The following ADPRHL1 variants were observed in gnomAD, a reference collection of about 807,000 sequenced individuals.
ADPRHL1 encodes ADP-ribosylhydrolase like 1, also known as inactive ADP-ribosyltransferase ARH2.
Under a neutral mutation model 44.1 loss-of-function variants are expected in ADPRHL1, and 43 were observed. The observed-to-expected ratio is 0.98, with a 90% CI of 0.76 to 1.26. The LOEUF is 1.26. Among genes scored for constraint, ADPRHL1 ranks in the 50% most tolerant of loss-of-function variants. The pLI is 0.00. For synonymous variants in ADPRHL1, 878 were observed against 1,017.4 expected, an observed-to-expected ratio of 0.86 and a Z score of 2.61; for missense variants, 2,022 against 2,496.9, an observed-to-expected ratio of 0.81 and a Z score of 4.05.
rs2043834854 is a variant in ADPRHL1 at position 113,409,465 on chromosome 13, A to T, written c.1062-1245T>A. ...TTTATAATGTTGAAAAATCTAGAGC[A>T]TCCTCGATGTCCAACTCCAGGGCGG... On this transcript the variant is annotated intron_variant, in intron 7 of 7. Coordinates refer to ENST00000612156, the MANE Select transcript of ADPRHL1 (RefSeq NM_001394807.1). The surrounding 1 kb of genome is among the most constrained non-coding windows in gnomAD (Gnocchi z 4.2). The T allele has an allele frequency of 1.0e-6, 1 of 985,234 alleles. No homozygotes were observed. Among genetic ancestry groups the T allele is most frequent in the Non-Finnish European group, 1.2e-6 (1 of 829,924 alleles). 61.0% of individuals were successfully genotyped at this position (985,234 alleles called of 1,614,324 possible).
At chr13:113,430,046 CT>C (rs927027665) in intron 3 of ADPRHL1, among the ~76,000 whole-genome samples, 1 of 152,194 alleles carries the variant, frequency 6.6e-6, no homozygotes, top group African/African-American at 2.4e-5. Flanking sequence ...TTCTGGGGTA[CT>C]GAGCTCACCC....
intron 1 of ADPRHL1, among the ~76,000 whole-genome samples, chr13:113,445,846 G>A (rs1435471604): frequency 1.3e-5 from 2 of 151,862 alleles, no homozygotes; most frequent in Non-Finnish European, 2.9e-5. Context: ...AACCCCTGGC[G>A]AGAGCATACA....
intron 3 of ADPRHL1, among the ~76,000 whole-genome samples, chr13:113,429,585 C>T (rs570879933): frequency 1.3e-5 from 2 of 152,378 alleles, no homozygotes; most frequent in South Asian, 2.1e-4. Context: ...GAGCTGCCTC[C>T]GCCTTTGGCT....
At position 113,407,154 on chromosome 13, in the gene ADPRHL1, C is replaced by G. The variant is rs2043815187; in HGVS notation, c.2128G>C (p.Ala710Pro). 8.1e-7 allele frequency: 1 copy of G among 1,232,142 alleles called. No individual in the cohort carries two copies. The highest frequency in any genetic ancestry group is 1.0e-6 in the Non-Finnish European group (1 of 988,072). 76.3% of individuals were successfully genotyped at this position (1,232,142 alleles called of 1,614,324 possible). ...GGAAGGACTCCACCTGTGCAGGGAG[C>G]ACAAGAGAAGGCCAGCGAGGGGACA... ...HAVPSLAFSC[A>P]PCTGGVLPGL... Residue 710 changes from alanine (A) to proline (P), a missense_variant, in exon 8 of 8, where the codon GCT becomes CCT. Around this residue, in one of 8 missense-constraint regions of ADPRHL1, gnomAD observed 1,221 missense variants for 1,517.8 expected, o/e 0.80. Transcript: ENST00000612156.
rs531096316 is a variant in ADPRHL1 at position 113,449,182 on chromosome 13, CAG to C, written c.214+4040_214+4041del. 4.3e-4 allele frequency: 448 copies of C among 1,031,016 alleles called. 3 individuals carry two copies. Among genetic ancestry groups the C allele is most frequent in the Admixed American group, 2.4e-3 (40 of 16,506 alleles). The allele number at this position is 1,031,016 out of a possible 1,614,324, so 63.9% of individuals were successfully genotyped here. A position where few individuals can be genotyped will look rare whatever the true frequency, so the allele number is the denominator to read the frequency against. On this transcript the variant is annotated intron_variant, in intron 1 of 7. Transcript: ENST00000612156. ...TCACCCGGAAGGAGGCAGCCCCAGTCAGAGAGGCTCACCCGGAAGGAGGCAGC... is the reference window on the plus strand; with the variant it reads ...TCACCCGGAAGGAGGCAGCCCCAGTCAGAGGCTCACCCGGAAGGAGGCAGC...
chr13:113,452,668 T>G (rs1165152912), intron 1 of ADPRHL1, among the ~76,000 whole-genome samples: 1 of 152,222 alleles, frequency 6.6e-6, no homozygotes, highest in African/African-American at 2.4e-5. Context: ...TTAGAACACA[T>G]TTGTGTATGG....
intron 7 of ADPRHL1, among the ~76,000 whole-genome samples, chr13:113,412,245 T>C (rs1795220305): frequency 1.3e-5 from 2 of 152,292 alleles, no homozygotes; most frequent in Non-Finnish European, 2.9e-5. Context: ...TGGCGCGATC[T>C]CGACTCACTG....
At chr13:113,445,003 G>A (rs906357311) in intron 1 of ADPRHL1, among the ~76,000 whole-genome samples, 2 of 152,170 alleles carry the variant, frequency 1.3e-5, no homozygotes, top group African/African-American at 2.4e-5. Flanking sequence ...GGCTTGTGAC[G>A]CCGATGGTGG....
At chr13:113,419,371 C>T (rs1353789347) in intron 7 of ADPRHL1, among the ~76,000 whole-genome samples, 2 of 150,224 alleles carry the variant, frequency 1.3e-5, no homozygotes, top group Non-Finnish European at 3.0e-5. Flanking sequence ...CCCGCCTCAG[C>T]CTCCCAAAGT....
chr13:113,448,845 C>T (rs949319765), intron 1 of ADPRHL1, among the ~76,000 whole-genome samples: 7 of 152,244 alleles, frequency 4.6e-5, no homozygotes, highest in African/African-American at 1.7e-4. Context: ...CCTCTGTGAC[C>T]TTGTGAGGGA....
rs1457081427 is a variant in ADPRHL1 at position 113,424,088 on chromosome 13, A to G, written c.907+129T>C. 7.7e-6 allele frequency: 10 copies of G among 1,296,512 alleles called. No homozygotes were observed. In the African/African-American group the frequency reaches 1.5e-4, roughly 19 times the overall value. 80.3% of individuals were successfully genotyped at this position (1,296,512 alleles called of 1,614,324 possible). ...CCCAAAGTGGGTTCCAGAAAGGAAG[A>G]GATGGACGCACATGCTGGAGCTCAG... On this transcript the variant is annotated intron_variant, in intron 6 of 7. Coordinates refer to ENST00000612156, the MANE Select transcript of ADPRHL1 (RefSeq NM_001394807.1).
chr13:113,445,376 G>A (rs1427307994), intron 1 of ADPRHL1, among the ~76,000 whole-genome samples: 2 of 152,228 alleles, frequency 1.3e-5, no homozygotes, highest in Admixed American at 1.3e-4. Flanking sequence ...GTGTGTGGAT[G>A]GAGTCCACAC....
In ADPRHL1 at chr13:113,407,958, CCCGGCCAGTGCCCAGGAACTTGGCCTG is replaced by C; in HGVS notation, c.1297_1323del (p.Gln433_Arg441del). The stretch of plus-strand genomic sequence containing the variant: ...TCCCTGGTCCTCTTGAGGTAGCGCT[CCCGGCCAGTGCCCAGGAACTTGGCCTG>C]CAGGAGCTGGAAGCGCGTGGGCCGC... On this transcript the variant is annotated inframe_deletion, in exon 8 of 8. Coordinates refer to ENST00000612156, the MANE Select transcript of ADPRHL1 (RefSeq NM_001394807.1). The C allele has an allele frequency of 8.1e-7, 1 of 1,232,048 alleles. No individual in the cohort carries two copies. Among genetic ancestry groups the C allele is most frequent in the Non-Finnish European group, 1.0e-6 (1 of 987,980 alleles). The allele number at this position is 1,232,048 out of a possible 1,614,324, so 76.3% of individuals were successfully genotyped here.
At chr13:113,408,363 CTGTG>C in intron 7 of ADPRHL1, 143 bp from the exon 8 acceptor site, 1 of 862,706 alleles carries the variant, frequency 1.2e-6, no homozygotes, top group Non-Finnish European at 1.5e-6. Context: ...GAGCCAGGAG[CTGTG>C]GCTTCTGGGC....
At chr13:113,443,489 T>C (rs375479326) in intron 2 of ADPRHL1, among the ~76,000 whole-genome samples, 1 of 149,338 alleles carries the variant, frequency 6.7e-6, no homozygotes, top group South Asian at 2.1e-4. Flanking sequence ...TGTAGTGGAA[T>C]GGACCTGTGA....
At chr13:113,444,296 G>A (rs2044120532) in intron 2 of ADPRHL1, 129 bp downstream of exon 2, 1 of 1,300,512 alleles carries the variant, frequency 7.7e-7, no homozygotes. Context: ...ACCCGACAAA[G>A]GGACTCTAGG....
Position 113,425,634 on chromosome 13 carries a change from C to T in ADPRHL1, c.647-455G>A, listed in dbSNP as rs547160127. Among the ~76,000 whole-genome samples the T allele has an allele frequency of 2.8e-3, 429 of 150,702 alleles. 4 individuals carry two copies. In the Middle Eastern group the frequency reaches 0.05, roughly 17 times the overall value. Reference sequence around the variant, plus strand: ...TGATCCACCTGCCTTGGCCTCCCAACGTGTTGGGATTACAGGCGTGAGCCA... The same window carrying T: ...TGATCCACCTGCCTTGGCCTCCCAATGTGTTGGGATTACAGGCGTGAGCCA... On this transcript the variant is annotated intron_variant, in intron 4 of 7. Coordinates refer to ENST00000612156, the MANE Select transcript of ADPRHL1 (RefSeq NM_001394807.1).
rs2043838826 is a variant in ADPRHL1, at chr13:113,409,859, A to G, written c.1062-1639T>C. 1 of 909,254 alleles carries G rather than the reference A, an allele frequency of 1.1e-6. No homozygotes were observed. The allele number at this position is 909,254 out of a possible 1,614,324, so 56.3% of individuals were successfully genotyped here. On this transcript the variant is annotated intron_variant, in intron 7 of 7. Coordinates refer to ENST00000612156, the MANE Select transcript of ADPRHL1 (RefSeq NM_001394807.1). The surrounding 1 kb of genome is among the most constrained non-coding windows in gnomAD (Gnocchi z 4.2). ...AGCCGAGATCGCACCACTGCACTCC[A>G]GCCTGAGCGACAGAGCGAGACTCCG...
intron 7 of ADPRHL1, among the ~76,000 whole-genome samples, chr13:113,414,421 C>T (rs1166148075): frequency 3.3e-5 from 5 of 150,338 alleles, no homozygotes; most frequent in African/African-American, 1.2e-4. Flanking sequence ...CCCCACCCTC[C>T]CTCCCTCAGT....
Sources: allele counts gnomAD v4.1 joint callset (sites outside exome capture counted in the v4.1 genomes callset), GRCh38; gene constraint gnomAD v4.1.1; regional missense constraint gnomAD v4.1.1; non-coding constraint Gnocchi (gnomAD v3.1); transcripts MANE v1.5; gene names NCBI Gene and HGNC (gene_info 2026-07-23, HGNC 2026-07-21).